The following GNB4 variants were observed in gnomAD, a reference collection of about 807,000 sequenced individuals.
GNB4 encodes the protein guanine nucleotide-binding protein subunit beta-4.
GNB4 carries 28 observed loss-of-function variants against 45.2 expected under a neutral mutation model. The observed-to-expected ratio is 0.62, with a 90% CI of 0.46 to 0.85. GNB4 has a LOEUF of 0.85. Among genes scored for constraint, GNB4 ranks in the 40% least tolerant of loss-of-function variants. The probability of loss-of-function intolerance (pLI) is 0.00; values close to 1 mark genes in which losing one functional copy is unlikely to be tolerated. For synonymous variants in GNB4, 132 were observed against 143.7 expected (o/e 0.92, Z 0.58); for missense variants, 321 against 425.4 (o/e 0.75, Z 2.16).
At chr3:179,444,598 G>A (rs1715673898) in intron 1 of GNB4, among the ~76,000 whole-genome samples, 1 of 151,988 alleles carries the variant, frequency 6.6e-6, no homozygotes, top group Admixed American at 6.6e-5. Context: ...TATAGTCCCA[G>A]ATACTTAAGA....
chr3:179,511,628 A>T, the GNB4 span, among the ~76,000 whole-genome samples: 1 of 152,220 alleles, frequency 6.6e-6, no homozygotes, highest in Non-Finnish European at 1.5e-5. Context: ...TATCTAGAAA[A>T]GTGAAATAAC....
At chr3:179,458,194 C>T in the GNB4 span, among the ~76,000 whole-genome samples, 5 of 152,324 alleles carry the variant, frequency 3.3e-5, no homozygotes, top group Non-Finnish European at 7.4e-5. Flanking sequence ...TGAGCCACCG[C>T]GCCCAGCCCA....
chr3:179,512,708 A>G, the GNB4 span, among the ~76,000 whole-genome samples: 685 of 152,290 alleles, frequency 4.5e-3, 7 homozygotes, highest in Admixed American at 0.029. Flanking sequence ...AAAAACTAAC[A>G]ATAGTTTTAT....
At chr3:179,496,085 T>C in the GNB4 span, among the ~76,000 whole-genome samples, 1 of 152,182 alleles carries the variant, frequency 6.6e-6, no homozygotes, top group African/African-American at 2.4e-5. Flanking sequence ...GTAAATCCTT[T>C]TTAACAGTAG....
At chr3:179,445,841 C>T (rs900328189) in intron 1 of GNB4, among the ~76,000 whole-genome samples, 3 of 151,946 alleles carry the variant, frequency 2.0e-5, no homozygotes, top group African/African-American at 4.8e-5. Context: ...TTGTCCTTAC[C>T]CAGTAAGGTA....
intron 8 of GNB4, among the ~76,000 whole-genome samples, chr3:179,409,829 AAAAC>A (rs1714597098): frequency 2.7e-5 from 3 of 111,664 alleles, no homozygotes; most frequent in East Asian, 3.2e-4. Flanking sequence ...ACAAAAAAAC[AAAAC>A]AAAAAAAAAA....
the GNB4 span, among the ~76,000 whole-genome samples, chr3:179,467,574 G>A: frequency 6.6e-6 from 1 of 152,152 alleles, no homozygotes; most frequent in African/African-American, 2.4e-5. Context: ...GAAAGCACCT[G>A]CATTTTTCAT....
chr3:179,460,006 A>G, the GNB4 span, among the ~76,000 whole-genome samples: 1 of 152,204 alleles, frequency 6.6e-6, no homozygotes, highest in African/African-American at 2.4e-5. Flanking sequence ...TTTTCCCATT[A>G]TCAGGATTAG....
the GNB4 span, among the ~76,000 whole-genome samples, chr3:179,495,709 A>G: frequency 6.6e-6 from 1 of 152,054 alleles, no homozygotes; most frequent in African/African-American, 2.4e-5. Context: ...AAATTTTGGA[A>G]AGAGAGAAAA....
chr3:179,457,182 C>T, the GNB4 span, among the ~76,000 whole-genome samples: 2 of 152,214 alleles, frequency 1.3e-5, no homozygotes, highest in East Asian at 3.9e-4. Context: ...TCTTCTTACC[C>T]CAAGGAATAT....
At chr3:179,480,930 C>G in the GNB4 span, among the ~76,000 whole-genome samples, 1 of 149,794 alleles carries the variant, frequency 6.7e-6, no homozygotes. Flanking sequence ...CGGCTCACTG[C>G]AAGCTCCGCC....
At chr3:179,484,381 C>G in the GNB4 span, among the ~76,000 whole-genome samples, 1 of 152,246 alleles carries the variant, frequency 6.6e-6, no homozygotes, top group African/African-American at 2.4e-5. Context: ...GATCCCATAT[C>G]TGTGAATTTG....
chr3:179,471,035 C>T, the GNB4 span, among the ~76,000 whole-genome samples: 6 of 151,866 alleles, frequency 4.0e-5, no homozygotes, highest in South Asian at 2.1e-4. Context: ...TAAAATTAGC[C>T]GGGCGTTGTG....
chr3:179,520,137 C>T, the GNB4 span, among the ~76,000 whole-genome samples: 1 of 90,378 alleles, frequency 1.1e-5, no homozygotes, highest in Non-Finnish European at 2.0e-5. Context: ...TTCCTTTGCA[C>T]CCTTCATCCC....
At chr3:179,513,189 ATTT>A in the GNB4 span, among the ~76,000 whole-genome samples, 14 of 123,274 alleles carry the variant, frequency 1.1e-4, no homozygotes, top group African/African-American at 1.5e-4. Context: ...ATGTGCAGCA[ATTT>A]TTTTTTTTTT....
chr3:179,454,954 G>A (rs1332134826), upstream of GNB4, among the ~76,000 whole-genome samples: 13 of 152,150 alleles, frequency 8.5e-5, no homozygotes. Context: ...GTCTATGTGT[G>A]GTTTCAGACA....
At chr3:179,460,621 C>A in the GNB4 span, among the ~76,000 whole-genome samples, 1 of 151,922 alleles carries the variant, frequency 6.6e-6, no homozygotes, top group Non-Finnish European at 1.5e-5. Flanking sequence ...TTTTAAAAAC[C>A]AAACTCTTAC....
intron 1 of GNB4, among the ~76,000 whole-genome samples, chr3:179,442,533 TAC>T (rs927197350): frequency 1.3e-5 from 2 of 152,202 alleles, no homozygotes; most frequent in Non-Finnish European, 2.9e-5. Flanking sequence ...TGTCTTTTCT[TAC>T]ATGACCCACT....
At chr3:179,471,892 G>C in the GNB4 span, among the ~76,000 whole-genome samples, 2 of 152,132 alleles carry the variant, frequency 1.3e-5, no homozygotes, top group Non-Finnish European at 2.9e-5. Flanking sequence ...TTGTCAGTGT[G>C]TACTAAGAGC....
Sources: gnomAD v4.1 joint callset for allele counts (sites outside exome capture counted in the v4.1 genomes callset) on GRCh38, gnomAD v4.1.1 for gene constraint, MANE v1.5 for transcripts, NCBI Gene and HGNC (gene_info 2026-07-23, HGNC 2026-07-21) for gene names.